The following DLG5 variants were observed in gnomAD, a reference collection of about 807,000 sequenced individuals.
The protein encoded by DLG5 is disks large homolog 5.
A neutral mutation model predicts 189.8 loss-of-function variants in DLG5; 48 were observed. That is an observed-to-expected ratio of 0.25 (90% CI 0.20 to 0.32). The LOEUF is 0.32. DLG5 is among the 10% of genes least tolerant of loss of function. DLG5 has a pLI of 1.00. For synonymous variants in DLG5, 1,016 were observed against 1,054.1 expected (o/e 0.96, Z 0.70); for missense variants, 2,160 against 2,544.7 (o/e 0.85, Z 3.25).
At chr10:77,801,921 G>A (rs527967210) in intron 27 of DLG5, among the ~76,000 whole-genome samples, 1 of 152,332 alleles carries the variant, frequency 6.6e-6, no homozygotes, top group South Asian at 2.1e-4. Context: ...GTATCTGGGT[G>A]GGTCCTAAAT....
At chr10:77,858,463 C>T (rs1172225375) in intron 2 of DLG5, among the ~76,000 whole-genome samples, 15 of 152,132 alleles carry the variant, frequency 9.9e-5, no homozygotes, top group African/African-American at 3.1e-4. Flanking sequence ...GGCGAAACCC[C>T]GTCTCTAGCA....
At chr10:77,916,987 G>A (rs1846378221) in intron 1 of DLG5, among the ~76,000 whole-genome samples, 1 of 149,722 alleles carries the variant, frequency 6.7e-6, no homozygotes, top group Admixed American at 6.7e-5. Flanking sequence ...TGAACCTTGA[G>A]GACTTTATGC....
rs1345205050 is a variant in DLG5 at position 77,891,162 on chromosome 10, T to C, written c.305-21965A>G. Among the ~76,000 whole-genome samples, 5 of 152,156 alleles carry C rather than the reference T, an allele frequency of 3.3e-5. No homozygotes were observed. In the East Asian group the frequency reaches 9.6e-4, roughly 29 times the overall value. Reference sequence around the variant, plus strand: ...CTATCTCCCTATGCATGCCTCCCTATGGTTCTAGCTGATGTCTACTAGGCC... The same window carrying C: ...CTATCTCCCTATGCATGCCTCCCTACGGTTCTAGCTGATGTCTACTAGGCC... On this transcript the variant is annotated intron_variant, in intron 1 of 31. Transcript: ENST00000372391.
At chr10:77,869,326 C>T (rs1844808943) in intron 1 of DLG5, 129 bp from the exon 2 acceptor site, 9 of 865,572 alleles carry the variant, frequency 1.0e-5, no homozygotes, top group South Asian at 2.9e-5. Context: ...TCCACATCCA[C>T]GGGCCAAGCA....
chr10:77,809,451 G>T, intron 24 of DLG5, 96 bp downstream of exon 24: 1 of 1,355,182 alleles, frequency 7.4e-7, no homozygotes, highest in Non-Finnish European at 1.0e-6. Flanking sequence ...CCAGATGAGA[G>T]GCTGTACTCC....
intron 17 of DLG5, among the ~76,000 whole-genome samples, chr10:77,818,783 A>ATT (rs10708893): frequency 1.3e-5 from 2 of 148,418 alleles, no homozygotes. Context: ...CACTTCGTTC[A>ATT]TTTTTTTTTT....
At chr10:77,908,532 G>T (rs1437708103) in intron 1 of DLG5, among the ~76,000 whole-genome samples, 1 of 152,136 alleles carries the variant, frequency 6.6e-6, no homozygotes, top group Non-Finnish European at 1.5e-5. Flanking sequence ...AGCACCTGCT[G>T]AGCGAATGCT....
intron 1 of DLG5, among the ~76,000 whole-genome samples, chr10:77,910,905 G>C (rs1290765983): frequency 4.0e-5 from 6 of 149,192 alleles, no homozygotes; most frequent in Admixed American, 1.4e-4. Flanking sequence ...CTGGAAGTCA[G>C]AGGTTGCAGT....
At chr10:77,830,387 GAC>G (rs777830216) in intron 10 of DLG5, 43 bp from the exon 11 acceptor site, 1 of 1,613,220 alleles carries the variant, frequency 6.2e-7, no homozygotes. Flanking sequence ...ACAAAGCAGT[GAC>G]AGAGACATTT....
At chr10:77,819,611 T>G (rs1842235326) in intron 16 of DLG5, 146 bp from the exon 17 acceptor site, 1 of 1,159,968 alleles carries the variant, frequency 8.6e-7, no homozygotes, top group Non-Finnish European at 1.2e-6. Context: ...CAATTCACAA[T>G]GTGGCTGTGG....
At chr10:77,928,713 G>T (rs911044574), upstream of DLG5, 4 of 152,244 alleles carry the variant, frequency 2.6e-5, no homozygotes, top group African/African-American at 9.6e-5. Context: ...AGTTGGAGAC[G>T]AATCTGGCTT....
Position 77,813,981 on chromosome 10 carries a change from T to C in DLG5, c.4026-1604A>G, listed in dbSNP as rs187551259. 2.6e-4 allele frequency among the ~76,000 whole-genome samples: 40 copies of C among 150,982 alleles called. 1 individual carries two copies. In the East Asian group the frequency reaches 6.9e-3, roughly 26 times the overall value. ...AGGGGATCTGAGCTAATCTTTTTTT[T>C]CTTTCTTTTTTTTTGGAGGCAGATT... On this transcript the variant is annotated intron_variant, in intron 20 of 31. Transcript: ENST00000372391.
intron 1 of DLG5, among the ~76,000 whole-genome samples, chr10:77,894,471 TTTTC>T (rs1156460303): frequency 6.6e-6 from 1 of 152,152 alleles, no homozygotes; most frequent in Non-Finnish European, 1.5e-5. Flanking sequence ...TTTTGTGTGC[TTTTC>T]TTTTTCTTCT....
chr10:77,936,222 G>A, the DLG5 span, among the ~76,000 whole-genome samples: 1 of 152,068 alleles, frequency 6.6e-6, no homozygotes, highest in Non-Finnish European at 1.5e-5. Context: ...GGTGGATCAC[G>A]AGGTCAGGAG....
chr10:77,883,924 C>A (rs568809788), intron 1 of DLG5, among the ~76,000 whole-genome samples: 1 of 152,234 alleles, frequency 6.6e-6, no homozygotes, highest in South Asian at 2.1e-4. Flanking sequence ...GTCTCAAACT[C>A]CTGACCTCAG....
Position 77,821,514 on chromosome 10 carries a change from G to A in DLG5, c.2970C>T (p.Tyr990=), listed in dbSNP as rs750180392. Residue 990 remains tyrosine, a synonymous_variant, in exon 15 of 32, where the codon TAC becomes TAT. Transcript: ENST00000372391. ...KRPQTPPKID[Y]LLPGPGPAHS... is the part of the protein sequence containing the mutation. ...GAGCAGGCCCAGGACCTGGAAGCAG[G>A]TAGTCTATTTTGGGGGGTGTCTGGG... 54 of 1,612,726 alleles carry A rather than the reference G, an allele frequency of 3.3e-5. 1 individual carries two copies. In the Middle Eastern group the frequency reaches 4.9e-4, roughly 15 times the overall value.
In DLG5 at chr10:77,825,918, T is replaced by C. The variant is rs548714039; in HGVS notation, c.2290-1442A>G. On this transcript the variant is annotated intron_variant, in intron 13 of 31. Transcript: ENST00000372391. Reference sequence around the variant, plus strand: ...TATCTGGAAGTAGTAAATTAATTTGTGGTTTTTTCCTTATAACATATCCAC... The same window carrying C: ...TATCTGGAAGTAGTAAATTAATTTGCGGTTTTTTCCTTATAACATATCCAC... 5.9e-5 allele frequency among the ~76,000 whole-genome samples: 9 copies of C among 152,316 alleles called. No individual in the cohort carries two copies. The South Asian group carries it at 1.9e-3, about 32-fold the overall frequency.
chr10:77,829,130 C>T, intron 12 of DLG5, 145 bp from the exon 13 acceptor site: 1 of 1,041,774 alleles, frequency 9.6e-7, no homozygotes, highest in Admixed American at 2.4e-5. Context: ...GCCCCAGTCC[C>T]ACCAATCGGG....
the DLG5 span, among the ~76,000 whole-genome samples, chr10:77,934,729 TC>T: frequency 6.6e-6 from 1 of 152,154 alleles, no homozygotes; most frequent in African/African-American, 2.4e-5. Flanking sequence ...CTGGAGAAGA[TC>T]CCAGCGGCTA....
Sources: allele counts gnomAD v4.1 joint callset (sites outside exome capture counted in the v4.1 genomes callset), GRCh38; gene constraint gnomAD v4.1.1; transcripts MANE v1.5; gene names NCBI Gene and HGNC (gene_info 2026-07-23, HGNC 2026-07-21).